The following MAP3K15 variants were observed in gnomAD, a reference collection of about 807,000 sequenced individuals.
MAP3K15 encodes MAPK/ERK kinase kinase 15.
Under a neutral mutation model 99.5 loss-of-function variants are expected in MAP3K15, and 124 were observed. The observed-to-expected ratio is 1.25, with a 90% CI of 1.08 to 1.45. MAP3K15 has a LOEUF of 1.45. Among genes scored for constraint, MAP3K15 ranks in the 40% most tolerant of loss-of-function variants. The pLI, the probability that MAP3K15 is intolerant of heterozygous loss-of-function variation, is 0.00. For synonymous variants in MAP3K15, 494 were observed against 439.6 expected (o/e 1.12, Z -1.55); for missense variants, 1,242 against 1,079.7 (o/e 1.15, Z -2.11).
intron 1 of MAP3K15, among the ~76,000 whole-genome samples, chrX:19,506,294 T>C (rs963788676): frequency 5.4e-5 from 6 of 111,070 alleles, no homozygotes; most frequent in Non-Finnish European, 7.5e-5. Flanking sequence ...GCTCTCGAAC[T>C]CCTGACCTCA....
chrX:19,465,830 G>GGTGTGTGTGTGTGT (rs10589040), intron 3 of MAP3K15, among the ~76,000 whole-genome samples: 116 of 94,007 alleles, frequency 1.2e-3, no homozygotes, highest in African/African-American at 4.1e-3. Flanking sequence ...GGTGTGTAGG[G>GGTGTGTGTGTGTGT]GTGTGTGTGT....
chrX:19,376,093 C>G (rs141510555), intron 19 of MAP3K15, among the ~76,000 whole-genome samples: 181 of 111,906 alleles, frequency 1.6e-3, no homozygotes, highest in African/African-American at 5.6e-3. Flanking sequence ...CACAATGACA[C>G]CCGGCTGGGA....
intron 13 of MAP3K15, 64 bp from the exon 14 acceptor site, chrX:19,400,727 C>T: frequency 1.3e-6 from 1 of 769,777 alleles, no homozygotes; most frequent in Non-Finnish European, 1.9e-6. Flanking sequence ...TTGTTTTTAA[C>T]TTAGCTTTAT....
At chrX:19,415,957 C>T (rs964916052) in intron 9 of MAP3K15, among the ~76,000 whole-genome samples, 6 of 111,862 alleles carry the variant, frequency 5.4e-5, no homozygotes, top group African/African-American at 1.9e-4. Context: ...AACTGTAGTG[C>T]ATACTGCACT....
At chrX:19,439,438 C>G (rs2063944524) in intron 6 of MAP3K15, among the ~76,000 whole-genome samples, 1 of 111,113 alleles carries the variant, frequency 9.0e-6, no homozygotes, top group African/African-American at 3.3e-5. Context: ...TGGCCAAACT[C>G]ATCAAATCGT....
At chrX:19,463,785 C>T (rs2064146965) in intron 4 of MAP3K15, among the ~76,000 whole-genome samples, 2 of 110,973 alleles carry the variant, frequency 1.8e-5, no homozygotes, top group African/African-American at 3.3e-5. Context: ...AGCACGAGAG[C>T]GTAAGGTCAG....
chrX:19,396,311 T>C (rs1459735521), intron 15 of MAP3K15, among the ~76,000 whole-genome samples: 1 of 112,124 alleles, frequency 8.9e-6, no homozygotes, highest in Non-Finnish European at 1.9e-5. Flanking sequence ...AGGTCCCTTC[T>C]AGCTCTTAAA....
chrX:19,515,130 C>A lies in MAP3K15; in HGVS notation c.132G>T (p.Ala44=). ...TCTCGCCCTCGCCGCTGCCGCCTGC[C>A]GCGCCCTCCGCCGCCCCGTCGGGCT... ...PAEPDGAAEG[A]AGGSGEGESG... The change falls in exon 1 of 29, where the codon GCG becomes GCT. Residue 44 remains alanine, a synonymous_variant. Coordinates refer to ENST00000338883, the MANE Select transcript of MAP3K15 (RefSeq NM_001001671.4). The A allele has an allele frequency of 1.3e-6, 1 of 795,238 alleles. No homozygotes were observed. Among genetic ancestry groups the A allele is most frequent in the Non-Finnish European group, 1.5e-6 (1 of 650,640 alleles). 65.5% of individuals were successfully genotyped at this position (795,238 alleles called of 1,213,427 possible).
intron 2 of MAP3K15, among the ~76,000 whole-genome samples, chrX:19,486,857 C>T (rs977390380): frequency 6.3e-5 from 7 of 111,059 alleles, no homozygotes; most frequent in Non-Finnish European, 1.3e-4. Flanking sequence ...TGCATCTTGC[C>T]TTCCCAGAAA....
intron 25 of MAP3K15, among the ~76,000 whole-genome samples, chrX:19,365,208 CAAAAAA>C (rs141602108): frequency 1.3e-5 from 1 of 74,787 alleles, no homozygotes; most frequent in Non-Finnish European, 3.0e-5. Flanking sequence ...AACTCCATCT[CAAAAAA>C]AAAAAAAAAA....
chrX:19,476,436 A>G (rs1193639263), intron 3 of MAP3K15, among the ~76,000 whole-genome samples: 2 of 112,087 alleles, frequency 1.8e-5, no homozygotes, highest in Non-Finnish European at 3.8e-5. Flanking sequence ...GATTTTTTAT[A>G]TTATTTCATG....
At chrX:19,392,971 G>A (rs776785742) in intron 16 of MAP3K15, among the ~76,000 whole-genome samples, 3 of 110,632 alleles carry the variant, frequency 2.7e-5, no homozygotes, top group East Asian at 2.9e-4. Flanking sequence ...AGGACTGGAG[G>A]AAGTTGGGTC....
chrX:19,380,201 G>T lies in MAP3K15; in HGVS notation c.2508C>A (p.Ser836=). The change falls in exon 19 of 29, where the codon TCC becomes TCA. Residue 836 remains serine (S), a synonymous_variant. Transcript: ENST00000338883. ...CCATCTCAATGATGGTGCAGCCCAG[G>T]GACCAGATATCGGCTGGGGCACCAT... is the stretch of plus-strand genomic sequence containing the variant. ...RGYGAPADIW[S]LGCTIIEMAT... is the part of the protein sequence containing the mutation. 6.6e-6 allele frequency: 8 copies of T among 1,208,033 alleles called. No homozygotes were observed. The highest frequency in any genetic ancestry group is 8.9e-6 in the Non-Finnish European group (8 of 893,896).
chrX:19,453,500 C>CA (rs746362628), intron 6 of MAP3K15, among the ~76,000 whole-genome samples: 357 of 66,685 alleles, frequency 5.4e-3, no homozygotes, highest in African/African-American at 8.2e-3. Flanking sequence ...CGTCTCAGGC[C>CA]AAAAAAAAAA....
At chrX:19,412,896 G>A (rs918920217) in intron 11 of MAP3K15, among the ~76,000 whole-genome samples, 90 of 108,646 alleles carry the variant, frequency 8.3e-4, no homozygotes, top group South Asian at 4.1e-4. Flanking sequence ...CACCACACCC[G>A]GCTAATTTTT....
At chrX:19,440,821 C>T (rs1177376482) in intron 6 of MAP3K15, among the ~76,000 whole-genome samples, 1 of 112,709 alleles carries the variant, frequency 8.9e-6, no homozygotes, top group Non-Finnish European at 1.9e-5. Flanking sequence ...AGCAGCATCA[C>T]CAAGCCCCAT....
rs58332212 is a variant in MAP3K15, at chrX:19,445,954, C to CAATA, written c.995+10955_995+10958dup. On this transcript the variant is annotated intron_variant, in intron 6 of 28. Coordinates refer to ENST00000338883, the MANE Select transcript of MAP3K15 (RefSeq NM_001001671.4). ...AAGAGCGAAACTCCATCTCAAAAAT[C>CAATA]AATAAATAAATAAATAAATAAATAA... Among the ~76,000 whole-genome samples the CAATA allele has an allele frequency of 9.4e-3, 976 of 103,599 alleles. 14 individuals are homozygous for CAATA. The highest frequency in any genetic ancestry group is 0.061 in the South Asian group (141 of 2,326). The allele number at this position is 103,599 out of a possible 115,157, so 90.0% of individuals were successfully genotyped here.
At chrX:19,412,407 A>G (rs1452852503) in intron 11 of MAP3K15, among the ~76,000 whole-genome samples, 1 of 112,287 alleles carries the variant, frequency 8.9e-6, no homozygotes, top group Non-Finnish European at 1.9e-5. Flanking sequence ...GGTAGCCTAC[A>G]GACACTCAGC....
At chrX:19,365,335 T>C (rs922633391) in intron 25 of MAP3K15, among the ~76,000 whole-genome samples, 1 of 112,326 alleles carries the variant, frequency 8.9e-6, no homozygotes, top group Non-Finnish European at 1.9e-5. Context: ...AAGAAGGATC[T>C]AGACAGACAG....
Sources: gnomAD v4.1 joint callset for allele counts (sites outside exome capture counted in the v4.1 genomes callset) on GRCh38, gnomAD v4.1.1 for gene constraint, MANE v1.5 for transcripts, NCBI Gene and HGNC (gene_info 2026-07-23, HGNC 2026-07-21) for gene names.